ATXN1: variants seen among roughly 807,000 people sequenced by gnomAD.
The protein encoded by ATXN1 is ataxin 1, also known as ataxin-1.
A neutral mutation model predicts 56.4 loss-of-function variants in ATXN1; 8 were observed. The ratio of observed to expected loss-of-function variants is 0.14; its 90% CI spans 0.08 to 0.26. The LOEUF (loss-of-function observed/expected upper bound fraction) is 0.26. Among genes scored for constraint, ATXN1 ranks in the 10% least tolerant of loss-of-function variants. ATXN1 has a pLI of 1.00. For missense variants in ATXN1, 987 were observed against 1,106.5 expected (o/e 0.89, Z 1.53); for synonymous variants, 514 against 494.6 (o/e 1.04, Z -0.52).
At chr6:16,758,818 T>G (rs1456788716) in intron 1 of ATXN1, among the ~76,000 whole-genome samples, 2 of 152,238 alleles carry the variant, frequency 1.3e-5, no homozygotes, top group Non-Finnish European at 2.9e-5. Flanking sequence ...CAAGTCCATT[T>G]ATTTGCGGAG....
At chr6:16,543,838 T>C (rs1298414223) in intron 4 of ATXN1, among the ~76,000 whole-genome samples, 1 of 152,048 alleles carries the variant, frequency 6.6e-6, no homozygotes, top group Admixed American at 6.6e-5. Flanking sequence ...ATGCTATTTG[T>C]TGGCTAGATT....
At chr6:16,569,952 A>T (rs1051266158) in intron 4 of ATXN1, among the ~76,000 whole-genome samples, 2 of 152,220 alleles carry the variant, frequency 1.3e-5, no homozygotes, top group Non-Finnish European at 2.9e-5. Flanking sequence ...GCCTTGCGAT[A>T]CAAGGACCCT....
chr6:16,669,667 C>CTTTTTTTTTTTTTTTTTTTT (rs11356086), intron 2 of ATXN1, among the ~76,000 whole-genome samples: 1 of 113,132 alleles, frequency 8.8e-6, no homozygotes, highest in African/African-American at 3.3e-5. Context: ...ACTGAACAAT[C>CTTTTTTTTTTTTTTTTTTTT]TTTTTTTTTT....
At chr6:16,445,452 T>C (rs2113604656) in intron 6 of ATXN1, among the ~76,000 whole-genome samples, 1 of 152,122 alleles carries the variant, frequency 6.6e-6, no homozygotes, top group African/African-American at 2.4e-5. Flanking sequence ...CTGAATGGGG[T>C]GGTGGGGCAA....
chr6:16,510,145 C>T (rs897791788), intron 5 of ATXN1, among the ~76,000 whole-genome samples: 1 of 152,274 alleles, frequency 6.6e-6, no homozygotes, highest in Admixed American at 6.5e-5. Flanking sequence ...TCTCCTAGTT[C>T]CTTTTCAGAT....
At chr6:16,541,872 T>C (rs2113717604) in intron 4 of ATXN1, among the ~76,000 whole-genome samples, 1 of 152,256 alleles carries the variant, frequency 6.6e-6, no homozygotes, top group South Asian at 2.1e-4. Flanking sequence ...AACTCAGGAT[T>C]TCTGACATCT....
intron 2 of ATXN1, among the ~76,000 whole-genome samples, chr6:16,661,923 C>G (rs1262336085): frequency 1.3e-5 from 2 of 152,206 alleles, no homozygotes; most frequent in Admixed American, 6.5e-5. Context: ...AGACACCCAG[C>G]TATGATATGC....
intron 4 of ATXN1, among the ~76,000 whole-genome samples, chr6:16,538,128 T>C (rs886356432): frequency 6.6e-6 from 1 of 152,138 alleles, no homozygotes; most frequent in Non-Finnish European, 1.5e-5. Flanking sequence ...CCACTGAAAA[T>C]AGGAATTTCC....
At chr6:16,336,210 C>A (rs1761118877) in intron 6 of ATXN1, among the ~76,000 whole-genome samples, 1 of 152,190 alleles carries the variant, frequency 6.6e-6, no homozygotes, top group South Asian at 2.1e-4. Context: ...AGAACTAGCA[C>A]TGGAAATCAC....
At chr6:16,635,327 C>T (rs532835290) in intron 3 of ATXN1, among the ~76,000 whole-genome samples, 1 of 152,086 alleles carries the variant, frequency 6.6e-6, no homozygotes, top group Non-Finnish European at 1.5e-5. Context: ...TTATATATTA[C>T]AACATAATAA....
intron 6 of ATXN1, among the ~76,000 whole-genome samples, chr6:16,394,209 C>T (rs1325737342): frequency 6.6e-6 from 1 of 152,282 alleles, no homozygotes; most frequent in Non-Finnish European, 1.5e-5. Context: ...TCACCTCAAC[C>T]TGTGATTATG....
At chr6:16,682,723 C>A (rs1316622708) in intron 2 of ATXN1, among the ~76,000 whole-genome samples, 2 of 152,140 alleles carry the variant, frequency 1.3e-5, no homozygotes, top group Non-Finnish European at 2.9e-5. Flanking sequence ...AACCTCCCAG[C>A]AGGAAAACAA....
chr6:16,728,962 C>T (rs1315903670), intron 2 of ATXN1, among the ~76,000 whole-genome samples: 1 of 152,158 alleles, frequency 6.6e-6, no homozygotes. Flanking sequence ...TATCACACCT[C>T]CAGGGCTACT....
rs2113634358 is a variant in ATXN1 at position 16,467,290 on chromosome 6, C to A, written c.-161+18682G>T. ...AAAATGCACAACATATGCAGAAACACCCCATGATGCAAATTATGTATGAAG... is the reference window on the plus strand; with the variant it reads ...AAAATGCACAACATATGCAGAAACAACCCATGATGCAAATTATGTATGAAG... On this transcript the variant is annotated intron_variant, in intron 6 of 7. Transcript: ENST00000436367. Among the ~76,000 whole-genome samples the A allele has an allele frequency of 2.0e-5, 3 of 152,304 alleles. No homozygotes were observed. In the South Asian group the frequency reaches 6.2e-4, roughly 32 times the overall value.
chr6:16,709,832 AATATCCAGCAATAGGTCAAAATAACAC>A (rs1217276072), intron 2 of ATXN1, among the ~76,000 whole-genome samples: 1 of 152,204 alleles, frequency 6.6e-6, no homozygotes, highest in Non-Finnish European at 1.5e-5. Flanking sequence ...TGTTAGCCAA[AATATCCAGCAATAGGTCAAAATAACAC>A]ATAATTATAA....
intron 6 of ATXN1, among the ~76,000 whole-genome samples, chr6:16,455,713 C>T (rs1461007131): frequency 6.6e-6 from 1 of 152,078 alleles, no homozygotes; most frequent in Non-Finnish European, 1.5e-5. Flanking sequence ...AACAAATAAG[C>T]TTTCAGGCCA....
At chr6:16,311,266 C>T (rs1464835928) in intron 7 of ATXN1, among the ~76,000 whole-genome samples, 1 of 152,170 alleles carries the variant, frequency 6.6e-6, no homozygotes, top group Non-Finnish European at 1.5e-5. Context: ...AGTCACTTGC[C>T]TAATGTCATA....
chr6:16,424,341 G>A (rs1300811582), intron 6 of ATXN1, among the ~76,000 whole-genome samples: 2 of 152,192 alleles, frequency 1.3e-5, no homozygotes, highest in Non-Finnish European at 2.9e-5. Context: ...GTGATTTGGA[G>A]CCATTTACGC....
At position 16,549,629 on chromosome 6, in the gene ATXN1, G is replaced by A. The variant is rs375985324; in HGVS notation, c.-360-26941C>T. Among the ~76,000 whole-genome samples, 50 of 152,206 alleles carry A rather than the reference G, an allele frequency of 3.3e-4. No homozygotes were observed. In the South Asian group the frequency reaches 8.9e-3, roughly 27 times the overall value. ...AATAGGCATGCTGGCCAGGTGCAGC[G>A]GCTTACGCCTGTAATCCCAGCACTT... On this transcript the variant is annotated intron_variant, in intron 4 of 7. Coordinates refer to ENST00000436367, the MANE Select transcript of ATXN1 (RefSeq NM_001128164.2).
Sources: gnomAD v4.1 joint callset for allele counts (sites outside exome capture counted in the v4.1 genomes callset) on GRCh38, gnomAD v4.1.1 for gene constraint, MANE v1.5 for transcripts, NCBI Gene and HGNC (gene_info 2026-07-23, HGNC 2026-07-21) for gene names.